Variants in PCDHGA2 observed in about 807,000 individuals in gnomAD.
PCDHGA2 encodes protocadherin gamma-A2.
In PCDHGA2, 40 loss-of-function variants were observed where a neutral mutation model predicts 59.2. The observed-to-expected ratio is 0.68, with a 90% CI of 0.52 to 0.88. PCDHGA2 has a LOEUF of 0.88. PCDHGA2 is among the 40% of genes least tolerant of loss of function. The pLI is 0.00. For missense variants in PCDHGA2, 1,226 were observed against 1,204.0 expected (o/e 1.02, Z -0.27); for synonymous variants, 560 against 526.0 (o/e 1.06, Z -0.89).
chr5:141,369,589 A>G (rs1339057936), intron 1 of PCDHGA2, among the ~76,000 whole-genome samples: 1 of 152,238 alleles, frequency 6.6e-6, no homozygotes, highest in Non-Finnish European at 1.5e-5. Flanking sequence ...GCTTTTTACT[A>G]TACTTCTATT....
intron 1 of PCDHGA2, chr5:141,361,812 G>T (rs748753973): frequency 7.4e-6 from 12 of 1,612,954 alleles, no homozygotes; most frequent in Admixed American, 5.0e-5. Flanking sequence ...ATGACAATGC[G>T]CCACGGGTGC....
rs201085226 is a variant in PCDHGA2 at position 141,365,970 on chromosome 5, C to T, written c.2424+24575C>T. 2.6e-5 allele frequency: 42 copies of T among 1,614,138 alleles called. 1 individual carries two copies. The Admixed American group carries it at 4.3e-4, about 17-fold the overall frequency. On this transcript the variant is annotated intron_variant, in intron 1 of 3. Transcript: ENST00000394576. ...AACCCTCCACTTAGCAGCAACGTGT[C>T]GCTGAGCCTGTTTGTGCTGGACCAG...
chr5:141,380,538 A>G (rs1365489089), intron 1 of PCDHGA2, among the ~76,000 whole-genome samples: 3 of 152,246 alleles, frequency 2.0e-5, no homozygotes, highest in Non-Finnish European at 4.4e-5. Flanking sequence ...TCAATTTGAT[A>G]CAATGAGCTT....
At chr5:141,399,063 A>G (rs762517133) in intron 1 of PCDHGA2, 1 of 1,613,714 alleles carries the variant, frequency 6.2e-7, no homozygotes, top group South Asian at 1.1e-5. Flanking sequence ...AGGAATATTC[A>G]ATGGTTGTAG....
At chr5:141,461,170 G>T (rs1347666737) in intron 1 of PCDHGA2, among the ~76,000 whole-genome samples, 1 of 152,052 alleles carries the variant, frequency 6.6e-6, no homozygotes. Context: ...GGGATTGCTG[G>T]ATTGAATGGT....
chr5:141,454,657 CG>C (rs1313292109), intron 1 of PCDHGA2, among the ~76,000 whole-genome samples: 1 of 152,074 alleles, frequency 6.6e-6, no homozygotes, highest in Admixed American at 6.6e-5. Flanking sequence ...CTGCCCACCT[CG>C]GCCTCCCAAA....
In PCDHGA2 at chr5:141,487,072, T is replaced by C. The variant is rs754589618; in HGVS notation, c.2425-7735T>C. On this transcript the variant is annotated intron_variant, in intron 1 of 3. Coordinates refer to ENST00000394576, the MANE Select transcript of PCDHGA2 (RefSeq NM_018915.4). This position sits in a 1 kb window ranked among gnomAD's most constrained non-coding sequence, Gnocchi z 5.0. ...CTGGGGAGGTGCGGACGGCTGTTCCTATCCCAGCTGACCTCCCACCACAGA... is the reference window on the plus strand; with the variant it reads ...CTGGGGAGGTGCGGACGGCTGTTCCCATCCCAGCTGACCTCCCACCACAGA... 8.1e-6 allele frequency: 13 copies of C among 1,614,010 alleles called. No homozygotes were observed. Among genetic ancestry groups the C allele is most frequent in the Non-Finnish European group, 1.1e-5 (13 of 1,179,966 alleles).
At chr5:141,364,103 C>CT (rs1452729364) in intron 1 of PCDHGA2, 1 of 411,008 alleles carries the variant, frequency 2.4e-6, no homozygotes, top group African/African-American at 2.1e-5. Flanking sequence ...GATGCAGTCA[C>CT]TGGTTAGGAC....
At chr5:141,424,936 C>G (rs1160449329) in intron 1 of PCDHGA2, among the ~76,000 whole-genome samples, 1 of 152,182 alleles carries the variant, frequency 6.6e-6, no homozygotes, top group Non-Finnish European at 1.5e-5. Flanking sequence ...AGTCAACACT[C>G]TCACATCACT....
chr5:141,348,051 T>C (rs1758056704), intron 1 of PCDHGA2, among the ~76,000 whole-genome samples: 1 of 152,232 alleles, frequency 6.6e-6, no homozygotes, highest in Non-Finnish European at 1.5e-5. Flanking sequence ...TAGAAGTCCC[T>C]TCTTTTGTCA....
chr5:141,407,970 C>T, intron 1 of PCDHGA2: 2 of 716,252 alleles, frequency 2.8e-6, no homozygotes, highest in Non-Finnish European at 4.3e-6. Context: ...CAAGCGCTGA[C>T]GCCGGGGATC....
intron 1 of PCDHGA2, among the ~76,000 whole-genome samples, chr5:141,474,000 C>T (rs2099336161): frequency 6.6e-6 from 1 of 152,076 alleles, no homozygotes. Context: ...GCCCAAGGAG[C>T]TGGAAGTTAC....
intron 1 of PCDHGA2, among the ~76,000 whole-genome samples, chr5:141,457,459 CA>C (rs1402759850): frequency 6.6e-6 from 1 of 152,166 alleles, no homozygotes; most frequent in Non-Finnish European, 1.5e-5. Context: ...CCACTTGATT[CA>C]CAGGAATAAG....
chr5:141,501,013 C>A (rs1456343329), intron 2 of PCDHGA2, among the ~76,000 whole-genome samples: 6 of 151,970 alleles, frequency 3.9e-5, no homozygotes, highest in Non-Finnish European at 8.8e-5. Flanking sequence ...GGACTACAGG[C>A]ACGCGCCACC....
intron 1 of PCDHGA2, chr5:141,392,681 G>A (rs892273174): frequency 9.7e-7 from 1 of 1,026,496 alleles, no homozygotes; most frequent in Non-Finnish European, 1.4e-6. Context: ...CTGGACTGCA[G>A]CGAAACCCGA....
chr5:141,457,632 G>T (rs919693977), intron 1 of PCDHGA2, among the ~76,000 whole-genome samples: 1 of 152,142 alleles, frequency 6.6e-6, no homozygotes, highest in Non-Finnish European at 1.5e-5. Context: ...CTTATACTTG[G>T]CCTGATTATT....
chr5:141,438,764 C>T (rs963627140), intron 1 of PCDHGA2, among the ~76,000 whole-genome samples: 38 of 148,736 alleles, frequency 2.6e-4, no homozygotes, highest in African/African-American at 9.4e-4. Context: ...TGGGTTCAAG[C>T]GATTCTCCTG....
rs754433753 is a variant in PCDHGA2 at position 141,399,914 on chromosome 5, A to G, written c.2424+58519A>G. On this transcript the variant is annotated intron_variant, in intron 1 of 3. Transcript: ENST00000394576. ...GTGGCCGTGGACGCAGACTCAGGACACAACGCCTGGCTGTCCTACCACGTG... is the reference window on the plus strand; with the variant it reads ...GTGGCCGTGGACGCAGACTCAGGACGCAACGCCTGGCTGTCCTACCACGTG... The G allele has an allele frequency of 2.7e-5, 44 of 1,612,236 alleles. No homozygotes were observed. In the Admixed American group the frequency reaches 7.3e-4, roughly 27 times the overall value.
rs1346487155 is a variant in PCDHGA2 at position 141,340,507 on chromosome 5, A to T, written c.1536A>T (p.Gly512=). Residue 512 remains glycine (G), a synonymous_variant, in exon 1 of 4, where the codon GGA becomes GGT. Transcript: ENST00000394576. The part of the protein sequence containing the change: ...SSYISINSDT[G]VLYALRSFDY... The stretch of plus-strand genomic sequence containing the variant: ...ACATCTCTATCAACTCCGACACTGG[A>T]GTACTCTATGCACTGCGCTCCTTTG... 5.0e-6 allele frequency: 8 copies of T among 1,614,224 alleles called. No individual in the cohort carries two copies. Among genetic ancestry groups the T allele is most frequent in the Non-Finnish European group, 5.9e-6 (7 of 1,180,040 alleles).
Sources: gnomAD v4.1 joint callset for allele counts (sites outside exome capture counted in the v4.1 genomes callset) on GRCh38, gnomAD v4.1.1 for gene constraint, Gnocchi (gnomAD v3.1) non-coding constraint, MANE v1.5 for transcripts, NCBI Gene and HGNC (gene_info 2026-07-23, HGNC 2026-07-21) for gene names.